The following RPA1 variants were observed in gnomAD, a reference collection of about 807,000 sequenced individuals.
RPA1 encodes replication protein A1.
Under a neutral mutation model 83.0 loss-of-function variants are expected in RPA1, and 49 were observed. The ratio of observed to expected loss-of-function variants is 0.59; its 90% CI spans 0.47 to 0.75. RPA1 has a LOEUF of 0.75. Among genes scored for constraint, RPA1 ranks in the 30% least tolerant of loss-of-function variants. The probability of loss-of-function intolerance (pLI) is 0.00; values close to 1 mark genes in which losing one functional copy is unlikely to be tolerated. For missense variants in RPA1, 693 were observed against 776.1 expected (o/e 0.89, Z 1.27); for synonymous variants, 279 against 281.8 (o/e 0.99, Z 0.10).
chr17:1,830,885 C>G lies in RPA1; in HGVS notation c.33+759C>G, dbSNP rs559488662. ...GGTGCAAGTGAGTCTCCTGTCTCAG[C>G]CTCCCGAGTAGCTGGGACTACATGT... On this transcript the variant is annotated intron_variant, in intron 1 of 16. Transcript: ENST00000254719. Among the ~76,000 whole-genome samples the G allele has an allele frequency of 1.8e-4, 28 of 152,080 alleles. 3 individuals are homozygous for G. The South Asian group carries it at 4.6e-3, about 25-fold the overall frequency.
chr17:1,876,880 T>C (rs1416965049), intron 7 of RPA1, among the ~76,000 whole-genome samples: 1 of 152,240 alleles, frequency 6.6e-6, no homozygotes, highest in Non-Finnish European at 1.5e-5. Flanking sequence ...CAAAATATAA[T>C]TGCTGGTGTT....
intron 8 of RPA1, among the ~76,000 whole-genome samples, 171 bp from the exon 9 acceptor site, chr17:1,878,822 G>A (rs1265904085): frequency 6.6e-6 from 1 of 152,080 alleles, no homozygotes; most frequent in African/African-American, 2.4e-5. Flanking sequence ...TGTAAAATGC[G>A]GGTTCCTGGG....
rs1019790990 is a variant in RPA1 at position 1,862,672 on chromosome 17, A to G, written c.361+9483A>G. 9.0e-5 allele frequency among the ~76,000 whole-genome samples: 11 copies of G among 122,046 alleles called. No individual in the cohort carries two copies. In the South Asian group the frequency reaches 1.1e-3, roughly 12 times the overall value. 80.1% of individuals were successfully genotyped at this position (122,046 alleles called of 152,430 possible). ...GACCTCAAGTGATCCGCCCACCTTG[A>G]CCTCCTAAAGTGCTAAGATTATTGG... is the stretch of plus-strand genomic sequence containing the variant. On this transcript the variant is annotated intron_variant, in intron 5 of 16. Coordinates refer to ENST00000254719, the MANE Select transcript of RPA1 (RefSeq NM_002945.5).
intron 13 of RPA1, among the ~76,000 whole-genome samples, chr17:1,885,198 C>G (rs943733484): frequency 2.0e-5 from 3 of 152,200 alleles, no homozygotes; most frequent in Non-Finnish European, 1.5e-5. Flanking sequence ...AGCGTTCTCA[C>G]CACAAGAGAT....
At chr17:1,849,371 C>A (rs941473588) in intron 4 of RPA1, among the ~76,000 whole-genome samples, 3 of 148,288 alleles carry the variant, frequency 2.0e-5, no homozygotes, top group African/African-American at 7.6e-5. Flanking sequence ...CGGCTCACTG[C>A]AAGCTCCGCC....
chr17:1,883,217 C>T (rs527440243), intron 12 of RPA1, among the ~76,000 whole-genome samples: 6 of 152,208 alleles, frequency 3.9e-5, no homozygotes, highest in South Asian at 2.1e-4. Context: ...AGTGCAATGG[C>T]GCCATCTCGG....
At chr17:1,857,848 C>T (rs928017095) in intron 5 of RPA1, among the ~76,000 whole-genome samples, 1 of 142,616 alleles carries the variant, frequency 7.0e-6, no homozygotes, top group African/African-American at 2.6e-5. Flanking sequence ...TCTTTAGAAA[C>T]AAGGGGAAAA....
intron 1 of RPA1, among the ~76,000 whole-genome samples, chr17:1,837,357 ATTTG>A (rs1258169794): frequency 3.9e-5 from 6 of 152,190 alleles, no homozygotes; most frequent in African/African-American, 1.2e-4. Context: ...CTATAACAAA[ATTTG>A]TTTATTTACT....
chr17:1,831,184 C>CA (rs1404477713), intron 1 of RPA1, among the ~76,000 whole-genome samples: 1 of 152,164 alleles, frequency 6.6e-6, no homozygotes, highest in Non-Finnish European at 1.5e-5. Context: ...TTCCATGCTT[C>CA]AGAGGGTTTT....
At chr17:1,851,818 T>A (rs1912506450) in intron 4 of RPA1, among the ~76,000 whole-genome samples, 1 of 138,014 alleles carries the variant, frequency 7.2e-6, no homozygotes, top group Non-Finnish European at 1.7e-5. Flanking sequence ...TTCAGGCTTA[T>A]CTTATTGAAA....
At position 1,884,428 on chromosome 17, in the gene RPA1, G is replaced by A. The variant is rs771675394; in HGVS notation, c.1374+484G>A. Reference sequence around the variant, plus strand: ...TAGGCTGAGAGCTGCCGGCATTCCCGGACAAGGATTGGCCCTGACATTTGA... The same window carrying A: ...TAGGCTGAGAGCTGCCGGCATTCCCAGACAAGGATTGGCCCTGACATTTGA... On this transcript the variant is annotated intron_variant, in intron 13 of 16. Transcript: ENST00000254719. The surrounding 1 kb of genome is among the most constrained non-coding windows in gnomAD (Gnocchi z 4.1). Among the ~76,000 whole-genome samples the A allele has an allele frequency of 1.3e-5, 2 of 152,098 alleles. No homozygotes were observed. The highest frequency in any genetic ancestry group is 2.9e-5 in the Non-Finnish European group (2 of 68,016).
At chr17:1,853,234 T>C (rs761666650) in intron 5 of RPA1, 45 bp downstream of exon 5, 1 of 1,382,610 alleles carries the variant, frequency 7.2e-7, no homozygotes, top group Non-Finnish European at 1.0e-6. Flanking sequence ...TGAATACCTC[T>C]TTATATATTC....
chr17:1,896,379 C>T (rs991294334), intron 16 of RPA1, among the ~76,000 whole-genome samples: 2 of 152,214 alleles, frequency 1.3e-5, no homozygotes, highest in Non-Finnish European at 2.9e-5. Flanking sequence ...TGTAAACGTA[C>T]GAGTGGGCAG....
chr17:1,849,781 A>ATT (rs1223630785), intron 4 of RPA1, among the ~76,000 whole-genome samples: 1 of 152,076 alleles, frequency 6.6e-6, no homozygotes, highest in East Asian at 1.9e-4. Flanking sequence ...TGCAGGTTTT[A>ATT]TTTTTTAAGT....
In RPA1 at chr17:1,879,265, A is replaced by G. The variant is rs368589758; in HGVS notation, c.810A>G (p.Thr270=). 14 of 1,614,066 alleles carry G rather than the reference A, an allele frequency of 8.7e-6. No individual in the cohort carries two copies. Among genetic ancestry groups the G allele is most frequent in the Non-Finnish European group, 1.2e-5 (14 of 1,180,032 alleles). ...GTLKIANKQF[T]AVKNDYEMTF... The stretch of plus-strand genomic sequence containing the variant: ...TGAAGATTGCTAACAAGCAGTTCAC[A>G]GCTGTTAAAAATGACTACGAGATGA... The change falls in exon 10 of 17, where the codon ACA becomes ACG. Residue 270 remains threonine, a synonymous_variant. Transcript: ENST00000254719.
chr17:1,872,204 C>T (rs963433440), intron 5 of RPA1: 2 of 573,758 alleles, frequency 3.5e-6, no homozygotes, highest in Non-Finnish European at 6.2e-6. Flanking sequence ...GCTATCAATT[C>T]TAAGCAGGTG....
At chr17:1,843,475 A>T (rs1597421632) in intron 2 of RPA1, among the ~76,000 whole-genome samples, 1 of 151,806 alleles carries the variant, frequency 6.6e-6, no homozygotes, top group Non-Finnish European at 1.5e-5. Flanking sequence ...CGGACACATC[A>T]CTTACGTCTC....
chr17:1,848,466 C>T (rs991339072), intron 4 of RPA1, among the ~76,000 whole-genome samples: 1 of 151,618 alleles, frequency 6.6e-6, no homozygotes, highest in Non-Finnish European at 1.5e-5. Flanking sequence ...CAAAAATCAG[C>T]CGGGCATGGT....
Position 1,863,050 on chromosome 17 carries a change from T to A in RPA1, c.362-9384T>A, listed in dbSNP as rs1913045182. On this transcript the variant is annotated intron_variant, in intron 5 of 16. Transcript: ENST00000254719. ...ATTTATTTAGTTATTTGGAGACAGG[T>A]TCTTGCTTTGCCATCCAGGCTGGAG... Among the ~76,000 whole-genome samples, 4 of 150,542 alleles carry A rather than the reference T, an allele frequency of 2.7e-5. No homozygotes were observed. In the South Asian group the frequency reaches 8.4e-4, roughly 32 times the overall value.
Sources: allele counts gnomAD v4.1 joint callset (sites outside exome capture counted in the v4.1 genomes callset), GRCh38; gene constraint gnomAD v4.1.1; non-coding constraint Gnocchi (gnomAD v3.1); transcripts MANE v1.5; gene names NCBI Gene and HGNC (gene_info 2026-07-23, HGNC 2026-07-21).